Variants in NDFIP2 observed in about 807,000 individuals in gnomAD.
NDFIP2 encodes the protein NEDD4 family-interacting protein 2.
Under a neutral mutation model 36.0 loss-of-function variants are expected in NDFIP2, and 19 were observed. The observed-to-expected ratio is 0.53, with a 90% CI of 0.37 to 0.77. NDFIP2 has a LOEUF of 0.77. Among genes scored for constraint, NDFIP2 ranks in the 30% least tolerant of loss-of-function variants. The pLI is 0.00. For synonymous variants in NDFIP2, 181 were observed against 167.7 expected (o/e 1.08, Z -0.61); for missense variants, 446 against 435.8 (o/e 1.02, Z -0.21).
At chr13:79,526,634 C>A (rs1385168167) in intron 2 of NDFIP2, among the ~76,000 whole-genome samples, 1 of 152,060 alleles carries the variant, frequency 6.6e-6, no homozygotes, top group Admixed American at 6.6e-5. Flanking sequence ...AACACAAGAA[C>A]CTTGAAGACT....
chr13:79,542,666 T>C (rs17071574), intron 4 of NDFIP2, among the ~76,000 whole-genome samples: 10,205 of 152,066 alleles, frequency 0.067, 725 homozygotes, highest in African/African-American at 0.18. Context: ...TTTAAAGGGG[T>C]TATCTGGACA....
chr13:79,549,956 A>G (rs1875840797), intron 6 of NDFIP2, among the ~76,000 whole-genome samples: 1 of 151,760 alleles, frequency 6.6e-6, no homozygotes, highest in Non-Finnish European at 1.5e-5. Context: ...CCAATTTACT[A>G]CACACATGCT....
intron 2 of NDFIP2, 64 bp from the exon 3 acceptor site, chr13:79,533,259 T>G (rs1156301597): frequency 2.0e-6 from 3 of 1,509,568 alleles, no homozygotes; most frequent in Non-Finnish European, 1.8e-6. Context: ...AATTATTAAG[T>G]CATGGCTATG....
chr13:79,527,721 CTTAA>C (rs757798456), intron 2 of NDFIP2, among the ~76,000 whole-genome samples: 22 of 152,100 alleles, frequency 1.4e-4, no homozygotes, highest in Admixed American at 2.6e-4. Context: ...ATTTATTAAT[CTTAA>C]TTATTATTTT....
Position 79,555,256 on chromosome 13 carries a change from A to G in NDFIP2, c.*2743A>G, listed in dbSNP as rs748773958. The G allele has an allele frequency of 9.4e-5, 14 of 148,262 alleles. No homozygotes were observed. The highest frequency in any genetic ancestry group is 2.2e-4 in the African/African-American group (9 of 40,046). The allele number at this position is 148,262 out of a possible 1,614,324, so 9.2% of individuals were successfully genotyped here. A position where few individuals can be genotyped will look rare whatever the true frequency, so the allele number is the denominator to read the frequency against. ...TAATTTTTTTCATCTAGTATGTACT[A>G]TTTCAAGAAGTGCAAAAAGTAATGA... On this transcript the variant is annotated 3_prime_UTR_variant, in exon 8 of 8. Transcript: ENST00000218652.
intron 1 of NDFIP2, among the ~76,000 whole-genome samples, chr13:79,498,250 A>C (rs1255135686): frequency 6.6e-6 from 1 of 151,930 alleles, no homozygotes; most frequent in African/African-American, 2.4e-5. Context: ...AAGTAATGAA[A>C]TTCAAGTTTT....
intron 4 of NDFIP2, among the ~76,000 whole-genome samples, chr13:79,543,137 A>G (rs1333189251): frequency 6.6e-6 from 1 of 152,164 alleles, no homozygotes; most frequent in African/African-American, 2.4e-5. Flanking sequence ...TTGGCCTCCC[A>G]AAGTGCTGGG....
intron 1 of NDFIP2, among the ~76,000 whole-genome samples, chr13:79,513,051 G>T (rs1379393724): frequency 1.3e-5 from 2 of 152,180 alleles, no homozygotes; most frequent in Non-Finnish European, 2.9e-5. Context: ...ATGTGCCATG[G>T]TCTTTACTAT....
At chr13:79,506,765 G>A (rs1873883532) in intron 1 of NDFIP2, among the ~76,000 whole-genome samples, 3 of 151,936 alleles carry the variant, frequency 2.0e-5, no homozygotes, top group Admixed American at 2.0e-4. Context: ...CTTACATATA[G>A]ACAGACAGGA....
intron 1 of NDFIP2, among the ~76,000 whole-genome samples, chr13:79,516,319 T>A (rs1874327584): frequency 6.6e-6 from 1 of 152,160 alleles, no homozygotes; most frequent in African/African-American, 2.4e-5. Flanking sequence ...AGCGGTGCGA[T>A]CACTGCTCAC....
intron 2 of NDFIP2, among the ~76,000 whole-genome samples, chr13:79,523,637 T>A (rs918408142): frequency 1.3e-5 from 2 of 152,200 alleles, no homozygotes; most frequent in Non-Finnish European, 2.9e-5. Flanking sequence ...AATACTGTAA[T>A]AAAAGTTATG....
intron 1 of NDFIP2, among the ~76,000 whole-genome samples, chr13:79,511,780 A>G (rs1874092033): frequency 6.6e-6 from 1 of 152,194 alleles, no homozygotes; most frequent in African/African-American, 2.4e-5. Context: ...AAAGCTTATG[A>G]TCTGATTGGG....
At chr13:79,500,892 A>G (rs1018536710) in intron 1 of NDFIP2, among the ~76,000 whole-genome samples, 1 of 152,098 alleles carries the variant, frequency 6.6e-6, no homozygotes, top group African/African-American at 2.4e-5. Context: ...AGCTTTATTC[A>G]TATTTGCCAA....
intron 1 of NDFIP2, among the ~76,000 whole-genome samples, chr13:79,511,029 A>G (rs1874064525): frequency 6.7e-6 from 1 of 149,696 alleles, no homozygotes; most frequent in Non-Finnish European, 1.5e-5. Flanking sequence ...TGGCCTTGTT[A>G]TATAGATGAA....
chr13:79,497,413 C>A (rs1260285460), intron 1 of NDFIP2, among the ~76,000 whole-genome samples: 1 of 151,924 alleles, frequency 6.6e-6, no homozygotes, highest in East Asian at 1.9e-4. Context: ...TGTGGCTTTA[C>A]CTTAGAATAA....
intron 1 of NDFIP2, among the ~76,000 whole-genome samples, chr13:79,513,715 CTT>C (rs145412593): frequency 1.1e-4 from 16 of 145,792 alleles, no homozygotes; most frequent in Non-Finnish European, 7.6e-5. Flanking sequence ...TTTTTCTCTT[CTT>C]TTTTTTTTTT....
At chr13:79,491,485 G>GTGGCA (rs1164295303) in intron 1 of NDFIP2, among the ~76,000 whole-genome samples, 2 of 152,138 alleles carry the variant, frequency 1.3e-5, no homozygotes, top group African/African-American at 4.8e-5. Flanking sequence ...GCCATATGCA[G>GTGGCA]TGGCCCTGCT....
intron 1 of NDFIP2, among the ~76,000 whole-genome samples, chr13:79,510,676 G>A (rs1365148120): frequency 6.6e-6 from 1 of 152,022 alleles, no homozygotes; most frequent in Non-Finnish European, 1.5e-5. Context: ...ATGGAGAGAA[G>A]AGGAGGACTT....
At chr13:79,517,804 G>T (rs555464541) in intron 1 of NDFIP2, among the ~76,000 whole-genome samples, 18 of 152,278 alleles carry the variant, frequency 1.2e-4, no homozygotes, top group African/African-American at 2.9e-4. Context: ...GACAGTTTTT[G>T]AAAGTAAGTT....
Sources: allele counts gnomAD v4.1 joint callset (sites outside exome capture counted in the v4.1 genomes callset), GRCh38; gene constraint gnomAD v4.1.1; transcripts MANE v1.5; gene names NCBI Gene and HGNC (gene_info 2026-07-23, HGNC 2026-07-21).